Variants in SCHIP1 observed in about 807,000 individuals in gnomAD.
SCHIP1 encodes schwannomin-interacting protein 1.
Under a neutral mutation model 29.7 loss-of-function variants are expected in SCHIP1, and 8 were observed. That is an observed-to-expected ratio of 0.27 (90% CI 0.16 to 0.49). The LOEUF is 0.49. SCHIP1 is among the 20% of genes least tolerant of loss of function. SCHIP1 has a pLI of 0.99. For missense variants in SCHIP1, 193 were observed against 294.6 expected, an observed-to-expected ratio of 0.66 and a Z score of 2.52; for synonymous variants, 76 against 94.9, an observed-to-expected ratio of 0.80 and a Z score of 1.16.
the SCHIP1 span, among the ~76,000 whole-genome samples, chr3:159,435,651 T>C: frequency 6.6e-6 from 1 of 152,166 alleles, no homozygotes; most frequent in Non-Finnish European, 1.5e-5. Context: ...TTGCAGACAT[T>C]ATGCATGTAA....
the SCHIP1 span, among the ~76,000 whole-genome samples, chr3:159,713,128 C>T: frequency 2.1e-5 from 3 of 144,314 alleles, no homozygotes; most frequent in Non-Finnish European, 4.5e-5. Context: ...GCACTCCAGC[C>T]TGGGCAACAA....
chr3:159,395,726 A>C, the SCHIP1 span, among the ~76,000 whole-genome samples: 1 of 151,316 alleles, frequency 6.6e-6, no homozygotes, highest in African/African-American at 2.4e-5. Flanking sequence ...TGCTGAGGAG[A>C]GCTTTACTTC....
chr3:159,617,890 C>G, the SCHIP1 span, among the ~76,000 whole-genome samples: 1 of 152,122 alleles, frequency 6.6e-6, no homozygotes, highest in African/African-American at 2.4e-5. Flanking sequence ...TGACCTTCAT[C>G]CCTACATACC....
At chr3:159,439,107 A>G in the SCHIP1 span, among the ~76,000 whole-genome samples, 1 of 152,102 alleles carries the variant, frequency 6.6e-6, no homozygotes, top group Non-Finnish European at 1.5e-5. Context: ...ACTCCCACCA[A>G]CAGTGTAAAA....
chr3:159,763,970 C>CCGGGCCGGGG, the SCHIP1 span: 1 of 151,312 alleles, frequency 6.6e-6, no homozygotes, highest in South Asian at 2.0e-4. Flanking sequence ...CCGGGCCGGG[C>CCGGGCCGGGG]CGGGCCGGGG....
At chr3:159,332,503 T>G in the SCHIP1 span, among the ~76,000 whole-genome samples, 8 of 152,212 alleles carry the variant, frequency 5.3e-5, no homozygotes, top group African/African-American at 1.7e-4. Context: ...TTAAATGGCC[T>G]TAATCTTTTT....
At chr3:159,882,559 C>T (rs1254832868) in intron 2 of SCHIP1, among the ~76,000 whole-genome samples, 3 of 152,174 alleles carry the variant, frequency 2.0e-5, no homozygotes, top group Admixed American at 6.5e-5. Flanking sequence ...TCATAATGAC[C>T]ACTGCTCCTC....
chr3:159,870,234 A>T (rs529111953), intron 2 of SCHIP1, among the ~76,000 whole-genome samples: 1 of 151,888 alleles, frequency 6.6e-6, no homozygotes, highest in South Asian at 2.1e-4. Context: ...GTCTTATTGG[A>T]TTGGCTAGGT....
the SCHIP1 span, among the ~76,000 whole-genome samples, chr3:159,664,511 A>C: frequency 2.1e-4 from 32 of 152,294 alleles, 1 homozygote; most frequent in African/African-American, 7.5e-4. Context: ...TTTAATAAAA[A>C]AATGTTGTAA....
the SCHIP1 span, among the ~76,000 whole-genome samples, chr3:159,500,278 C>T: frequency 2.2e-3 from 339 of 152,202 alleles, 3 homozygotes; most frequent in African/African-American, 7.8e-3. Flanking sequence ...ATCTCAGATA[C>T]GTGCCAGGGC....
the SCHIP1 span, among the ~76,000 whole-genome samples, chr3:159,327,775 G>A: frequency 3.3e-5 from 5 of 152,104 alleles, no homozygotes; most frequent in African/African-American, 4.8e-5. Context: ...CCATTTTATA[G>A]CCTTTGTAGA....
the SCHIP1 span, among the ~76,000 whole-genome samples, chr3:159,697,986 C>CA: frequency 2.0e-5 from 3 of 152,110 alleles, no homozygotes; most frequent in African/African-American, 7.2e-5. Context: ...AAAGAAAAAC[C>CA]AAAAATGAGC....
At chr3:159,558,765 G>A in the SCHIP1 span, among the ~76,000 whole-genome samples, 2 of 152,102 alleles carry the variant, frequency 1.3e-5, no homozygotes, top group African/African-American at 2.4e-5. Flanking sequence ...ATATGAGAAA[G>A]CATTTTCTAT....
chr3:159,560,861 T>C, the SCHIP1 span, among the ~76,000 whole-genome samples: 2 of 152,236 alleles, frequency 1.3e-5, no homozygotes, highest in Non-Finnish European at 2.9e-5. Context: ...AATTCAGTCA[T>C]GCTCATCACA....
chr3:159,571,961 T>A, the SCHIP1 span, among the ~76,000 whole-genome samples: 12 of 152,210 alleles, frequency 7.9e-5, no homozygotes, highest in Non-Finnish European at 1.3e-4. Context: ...TTCTGTGGGA[T>A]CGGTGGTGAT....
At chr3:159,680,440 C>T in the SCHIP1 span, among the ~76,000 whole-genome samples, 151 of 143,212 alleles carry the variant, frequency 1.1e-3, no homozygotes, top group African/African-American at 3.6e-3. Context: ...ACCCGGGAGG[C>T]GGAGGTTGCA....
the SCHIP1 span, among the ~76,000 whole-genome samples, chr3:159,409,986 C>T: frequency 6.6e-6 from 1 of 152,096 alleles, no homozygotes; most frequent in Non-Finnish European, 1.5e-5. Context: ...CTACAGTGAA[C>T]TCATTTTTGA....
the SCHIP1 span, among the ~76,000 whole-genome samples, chr3:159,814,023 C>T: frequency 6.6e-6 from 1 of 152,186 alleles, no homozygotes; most frequent in Non-Finnish European, 1.5e-5. Context: ...ACAACACTCC[C>T]TCCACCCGCT....
the SCHIP1 span, among the ~76,000 whole-genome samples, chr3:159,466,840 T>G: frequency 3.9e-5 from 6 of 152,102 alleles, no homozygotes; most frequent in Non-Finnish European, 8.8e-5. Flanking sequence ...CTTCTAAATA[T>G]TCTCTCCTAG....
Sources: allele counts gnomAD v4.1 joint callset (sites outside exome capture counted in the v4.1 genomes callset), GRCh38; gene constraint gnomAD v4.1.1; transcripts MANE v1.5; gene names NCBI Gene and HGNC (gene_info 2026-07-23, HGNC 2026-07-21).